KIAA1217: variants seen among roughly 807,000 people sequenced by gnomAD.
The protein encoded by KIAA1217 is sickle tail protein homolog.
Under a neutral mutation model 163.9 loss-of-function variants are expected in KIAA1217, and 88 were observed. The observed-to-expected ratio is 0.54, with a 90% CI of 0.45 to 0.64. KIAA1217 has a LOEUF of 0.64. Ranked by LOEUF, KIAA1217 falls within the 30% of genes least tolerant of loss-of-function variation. The probability of loss-of-function intolerance (pLI) is 0.00; values close to 1 mark genes in which losing one functional copy is unlikely to be tolerated. For missense variants in KIAA1217, 2,372 were observed against 2,475.0 expected, an observed-to-expected ratio of 0.96 and a Z score of 0.88; for synonymous variants, 903 against 923.1, an observed-to-expected ratio of 0.98 and a Z score of 0.39.
chr10:23,918,355 G>T (rs771165394), intron 1 of KIAA1217, among the ~76,000 whole-genome samples: 4 of 152,004 alleles, frequency 2.6e-5, no homozygotes, highest in Non-Finnish European at 5.9e-5. Flanking sequence ...TGAGAAATTG[G>T]CTCATCTCCA....
chr10:24,459,093 GC>G (rs1239754418), intron 5 of KIAA1217, among the ~76,000 whole-genome samples: 1 of 152,122 alleles, frequency 6.6e-6, no homozygotes, highest in East Asian at 1.9e-4. Flanking sequence ...TGATTCTGAA[GC>G]CCACCATCTG....
chr10:23,713,751 G>A (rs2130742177), intron 1 of KIAA1217, among the ~76,000 whole-genome samples: 1 of 152,244 alleles, frequency 6.6e-6, no homozygotes, highest in Admixed American at 6.5e-5. Context: ...AATATGTGAT[G>A]TAATTCTGGA....
Position 24,294,568 on chromosome 10 carries a change from G to A in KIAA1217, c.354+74659G>A, listed in dbSNP as rs1279592382. The stretch of plus-strand genomic sequence containing the variant: ...GAGGAGGAAATAGACCACCGTGTAT[G>A]CATTTAGTAAACACCAGCGTAGTCA... On this transcript the variant is annotated intron_variant, in intron 2 of 20. Coordinates refer to ENST00000376454, the MANE Select transcript of KIAA1217 (RefSeq NM_019590.5). 3.9e-5 allele frequency among the ~76,000 whole-genome samples: 6 copies of A among 152,334 alleles called. No homozygotes were observed. In the East Asian group the frequency reaches 1.2e-3, roughly 29 times the overall value.
intron 2 of KIAA1217, among the ~76,000 whole-genome samples, chr10:24,319,998 A>G (rs2043930071): frequency 6.6e-6 from 1 of 152,238 alleles, no homozygotes; most frequent in South Asian, 2.1e-4. Flanking sequence ...TGGCATAATT[A>G]GCATATAAAA....
intron 9 of KIAA1217, among the ~76,000 whole-genome samples, chr10:24,503,118 A>T (rs2067887096): frequency 1.3e-5 from 2 of 152,200 alleles, no homozygotes; most frequent in African/African-American, 4.8e-5. Flanking sequence ...CACAAGCCCT[A>T]AGTTGTTTAA....
chr10:24,025,917 G>A (rs1847922724), intron 2 of KIAA1217, among the ~76,000 whole-genome samples: 1 of 151,612 alleles, frequency 6.6e-6, no homozygotes, highest in Admixed American at 6.6e-5. Context: ...GATTATTTTG[G>A]ATTTTTCTAC....
chr10:24,312,452 C>T (rs779864994), intron 2 of KIAA1217, among the ~76,000 whole-genome samples: 9 of 152,022 alleles, frequency 5.9e-5, no homozygotes, highest in African/African-American at 1.2e-4. Context: ...CTCGTCTCTA[C>T]GAAAAGAAAT....
chr10:23,756,452 T>C (rs1020292526), intron 1 of KIAA1217, among the ~76,000 whole-genome samples: 5 of 152,196 alleles, frequency 3.3e-5, no homozygotes, highest in African/African-American at 9.7e-5. Flanking sequence ...TAACTCAGAA[T>C]TAAGAACCAT....
chr10:24,097,086 T>C (rs180766821), intron 2 of KIAA1217, among the ~76,000 whole-genome samples: 2 of 152,318 alleles, frequency 1.3e-5, no homozygotes, highest in African/African-American at 2.4e-5. Flanking sequence ...AGCATTAACA[T>C]GGCAATCATG....
chr10:24,001,235 C>A (rs1846730153), intron 1 of KIAA1217, among the ~76,000 whole-genome samples: 1 of 152,154 alleles, frequency 6.6e-6, no homozygotes, highest in Non-Finnish European at 1.5e-5. Context: ...ATTTTCCTGA[C>A]CCCATTCATT....
chr10:24,099,586 T>A (rs1364989512), intron 2 of KIAA1217, among the ~76,000 whole-genome samples: 8 of 143,448 alleles, frequency 5.6e-5, no homozygotes, highest in South Asian at 2.2e-4. Context: ...TATATATATA[T>A]TATATATATA....
At chr10:23,941,908 A>G (rs1843785517) in intron 1 of KIAA1217, among the ~76,000 whole-genome samples, 1 of 152,192 alleles carries the variant, frequency 6.6e-6, no homozygotes, top group South Asian at 2.1e-4. Context: ...GTAAAAGTGA[A>G]ACAGACTTGC....
chr10:24,404,894 G>A (rs1172874112), intron 3 of KIAA1217, among the ~76,000 whole-genome samples: 2 of 152,202 alleles, frequency 1.3e-5, no homozygotes, highest in African/African-American at 4.8e-5. Flanking sequence ...TTTACATACT[G>A]TACCATTCCA....
At chr10:24,520,657 T>TATAA (rs1232201585) in intron 11 of KIAA1217, among the ~76,000 whole-genome samples, 6 of 79,006 alleles carry the variant, frequency 7.6e-5, no homozygotes, top group Admixed American at 3.0e-4. Flanking sequence ...AAAAAATATA[T>TATAA]ATATATATAT....
At chr10:23,929,580 T>G (rs149267033) in intron 1 of KIAA1217, among the ~76,000 whole-genome samples, 1,849 of 152,312 alleles carry the variant, frequency 0.012, 22 homozygotes, top group Middle Eastern at 0.037. Flanking sequence ...TTTCTGTTCC[T>G]GTGTTAATTT....
rs67342339 is a variant in KIAA1217 at position 23,765,187 on chromosome 10, C to CTTTTTTTTTTTTTTTTTTTTTT, written c.-321+69957_-321+69978dup. 1.3e-4 allele frequency among the ~76,000 whole-genome samples: 10 copies of CTTTTTTTTTTTTTTTTTTTTTT among 75,356 alleles called. 1 individual carries two copies. Among genetic ancestry groups the CTTTTTTTTTTTTTTTTTTTTTT allele is most frequent in the African/African-American group, 5.8e-4 (10 of 17,144 alleles). 49.4% of individuals were successfully genotyped at this position (75,356 alleles called of 152,430 possible). A position where few individuals can be genotyped will look rare whatever the true frequency, so the allele number is the denominator to read the frequency against. On this transcript the variant is annotated intron_variant, in intron 1 of 18. Coordinates refer to the KIAA1217 transcript ENST00000376462. ...TCTTTTGTTTTCCCTTTTTTGTTCT[C>CTTTTTTTTTTTTTTTTTTTTTT]TTTTTTTTTTTTTTTTTTTTTTTTT...
rs977093921 is a variant in KIAA1217, at chr10:23,948,600, G to C, written c.-320-58625G>C. Among the ~76,000 whole-genome samples, 10 of 152,226 alleles carry C rather than the reference G, an allele frequency of 6.6e-5. No individual in the cohort carries two copies. The East Asian group carries it at 1.4e-3, about 21-fold the overall frequency. ...TCTGTATCAAAAAGGCTTATCTGCT[G>C]TGTATTCATTATTGCCATTTTCCCT... On this transcript the variant is annotated intron_variant, in intron 1 of 18. Coordinates refer to the KIAA1217 transcript ENST00000376462.
At chr10:24,400,683 C>A (rs74122292) in intron 3 of KIAA1217, among the ~76,000 whole-genome samples, 19,093 of 151,928 alleles carry the variant, frequency 0.13, 1,328 homozygotes, top group South Asian at 0.29. Flanking sequence ...CATTGAAATC[C>A]CTAGTCCAGA....
intron 1 of KIAA1217, among the ~76,000 whole-genome samples, chr10:23,921,441 T>C (rs1842844731): frequency 6.6e-6 from 1 of 152,194 alleles, no homozygotes; most frequent in Admixed American, 6.5e-5. Context: ...CAGCACATTG[T>C]TGTCACTTCC....
Sources: gnomAD v4.1 joint callset for allele counts (sites outside exome capture counted in the v4.1 genomes callset) on GRCh38, gnomAD v4.1.1 for gene constraint, MANE v1.5 for transcripts, NCBI Gene and HGNC (gene_info 2026-07-23, HGNC 2026-07-21) for gene names.